The following TRIP11 variants were observed in gnomAD, a reference collection of about 807,000 sequenced individuals.
The protein encoded by TRIP11 is thyroid hormone receptor interactor 11.
In TRIP11, 148 loss-of-function variants were observed where a neutral mutation model predicts 223.1. That is an observed-to-expected ratio of 0.66 (90% CI 0.58 to 0.76). TRIP11 has a LOEUF of 0.76. Among genes scored for constraint, TRIP11 ranks in the 30% least tolerant of loss-of-function variants. The pLI, the probability that TRIP11 is intolerant of heterozygous loss-of-function variation, is 0.00. For missense variants in TRIP11, 2,043 were observed against 2,222.0 expected, an observed-to-expected ratio of 0.92 and a Z score of 1.62; for synonymous variants, 762 against 772.6, an observed-to-expected ratio of 0.99 and a Z score of 0.23.
chr14:92,005,262 T>C lies in TRIP11; in HGVS notation c.2714A>G (p.Lys905Arg), dbSNP rs750656386. Reference protein sequence around the residue: ...ASEVSQLNTIKEHLEEEIKHH... With the variant: ...ASEVSQLNTIREHLEEEIKHH... ...TTTAATTTCCTCTTCAAGATGTTCC[T>C]TGATCGTGTTCAGTTGAGATACCTC... The change falls in exon 11 of 21, where the codon AAG becomes AGG. Residue 905 changes from lysine (K) to arginine (R), a missense_variant. By Grantham distance (26) the Lys-to-Arg change is conservative. Coordinates refer to ENST00000267622, the MANE Select transcript of TRIP11 (RefSeq NM_004239.4). 10 of 1,614,166 alleles carry C rather than the reference T, an allele frequency of 6.2e-6. No individual in the cohort carries two copies. The South Asian group carries it at 9.9e-5, about 16-fold the overall frequency.
chr14:91,994,787 G>A (rs1185477120), intron 14 of TRIP11, among the ~76,000 whole-genome samples: 1 of 152,170 alleles, frequency 6.6e-6, no homozygotes, highest in Non-Finnish European at 1.5e-5. Flanking sequence ...ATGTGAAAAG[G>A]TATATTTGTT....
At position 92,003,567 on chromosome 14, in the gene TRIP11, T is replaced by C; in HGVS notation, c.4409A>G (p.Glu1470Gly). ...TTCTGTTTCCTTTCCCCTGTATGTT[T>C]CCACTATTTTTTCATTTTCTCCTTT... is the stretch of plus-strand genomic sequence containing the variant. The part of the protein sequence containing the change: ...KLKGENEKIV[E>G]TYRGKETEYQ... The change falls in exon 11 of 21, where the codon GAA (glutamate) becomes GGA (glycine). Residue 1470 changes from glutamate (E) to glycine (G), a missense_variant. By Grantham distance (98) the Glu-to-Gly change is moderately conservative. Transcript: ENST00000267622. 1.9e-6 allele frequency: 3 copies of C among 1,614,160 alleles called. No individual in the cohort carries two copies. Among genetic ancestry groups the C allele is most frequent in the Non-Finnish European group, 2.5e-6 (3 of 1,180,028 alleles).
intron 4 of TRIP11, 98 bp downstream of exon 4, chr14:92,021,458 G>T: frequency 8.4e-7 from 1 of 1,190,836 alleles, no homozygotes; most frequent in Non-Finnish European, 1.2e-6. Flanking sequence ...TCCTAGTCCA[G>T]GGTTCTTTCT....
At position 92,030,100 on chromosome 14, in the gene TRIP11, G is replaced by A. The variant is rs529744514; in HGVS notation, c.201+3092C>T. ...TAGTCCCAGCTACTTGGGAGGCTGA[G>A]GCAGGAGAATGGCGTGAACCCGGGA... On this transcript the variant is annotated intron_variant, in intron 2 of 20. Transcript: ENST00000267622. Among the ~76,000 whole-genome samples the A allele has an allele frequency of 4.6e-5, 7 of 150,800 alleles. No homozygotes were observed. In the South Asian group the frequency reaches 1.1e-3, roughly 23 times the overall value.
chr14:92,037,464 C>T lies in TRIP11; in HGVS notation c.139+2083G>A, dbSNP rs1196732346. Among the ~76,000 whole-genome samples the T allele has an allele frequency of 6.6e-6, 1 of 152,224 alleles. No homozygotes were observed. Among genetic ancestry groups the T allele is most frequent in the African/African-American group, 2.4e-5 (1 of 41,454 alleles). On this transcript the variant is annotated intron_variant, in intron 1 of 20. Coordinates refer to ENST00000267622, the MANE Select transcript of TRIP11 (RefSeq NM_004239.4). The surrounding 1 kb of genome is among the most constrained non-coding windows in gnomAD (Gnocchi z 4.2). The stretch of plus-strand genomic sequence containing the variant: ...AGGAAATAGAGAAGAAAGGGCTTTC[C>T]ATGTAGAGGCTTGAAGTTGTGTAAG...
At chr14:92,003,388 T>C (rs1446878085) in intron 11 of TRIP11, 31 bp downstream of exon 11, 4 of 1,610,580 alleles carry the variant, frequency 2.5e-6, no homozygotes, top group Non-Finnish European at 3.4e-6. Context: ...CACCCCCAAC[T>C]TCCTTCTACA....
At position 91,968,142 on chromosome 14, in the gene TRIP11, G is replaced by T. The variant is rs1595361411; in HGVS notation, c.*1531C>A. 1 of 201,144 alleles carries T rather than the reference G, an allele frequency of 5.0e-6. No homozygotes were observed. Among genetic ancestry groups the T allele is most frequent in the African/African-American group, 2.3e-5 (1 of 43,558 alleles). 12.5% of individuals were successfully genotyped at this position (201,144 alleles called of 1,614,324 possible). On this transcript the variant is annotated 3_prime_UTR_variant, in exon 21 of 21. Coordinates refer to ENST00000267622, the MANE Select transcript of TRIP11 (RefSeq NM_004239.4). ...TAAAACTTGCAAATAACCAAATTTA[G>T]TTCTGGCCTCAGCCAGGACTATTCA...
rs1444739244 is a variant in TRIP11 at position 92,021,647 on chromosome 14, T to C, written c.497A>G (p.Asp166Gly). ...AFHDDDMDFG[D>G]IISSQQEINR... ...TATTTCTTGTTGGGATGAAATTATA[T>C]CACCAAAGTCCATGTCATCGTCATG... Residue 166 changes from aspartate to glycine, a missense_variant, in exon 4 of 21, where the codon GAT (aspartate) becomes GGT (glycine). Asp to Gly is a moderately conservative substitution (Grantham distance 94). Coordinates refer to ENST00000267622, the MANE Select transcript of TRIP11 (RefSeq NM_004239.4). The C allele has an allele frequency of 3.1e-6, 5 of 1,614,046 alleles. No homozygotes were observed. Among genetic ancestry groups the C allele is most frequent in the African/African-American group, 1.3e-5 (1 of 74,930 alleles).
Position 91,988,391 on chromosome 14 carries a change from A to C in TRIP11, c.5161-8T>G. On this transcript the variant is annotated splice_region_variant and splice_polypyrimidine_tract_variant and intron_variant, in intron 15 of 20. Transcript: ENST00000267622. ...TGCTTCATCCAAACATTCCTGAGAA[A>C]GAAAACTTTATTAAAAAAAAGTATG... 2 of 1,612,312 alleles carry C rather than the reference A, an allele frequency of 1.2e-6. No homozygotes were observed. Among genetic ancestry groups the C allele is most frequent in the Non-Finnish European group, 1.7e-6 (2 of 1,178,634 alleles).
At position 91,978,880 on chromosome 14, in the gene TRIP11, C is replaced by A. The variant is rs573449086; in HGVS notation, c.5261-2691G>T. Among the ~76,000 whole-genome samples, 124 of 152,236 alleles carry A rather than the reference C, an allele frequency of 8.1e-4. No homozygotes were observed. Among genetic ancestry groups the A allele is most frequent in the African/African-American group, 2.9e-3 (120 of 41,530 alleles). ...GGCCACTAAAAAATTTAAAATTGCA[C>A]GTGGCTCACAGTATATTCCTACTGG... On this transcript the variant is annotated intron_variant, in intron 16 of 20. Transcript: ENST00000267622. The surrounding 1 kb of genome is among the most constrained non-coding windows in gnomAD (Gnocchi z 4.4).
chr14:91,972,900 T>G, intron 19 of TRIP11, 39 bp from the exon 20 acceptor site: 2 of 1,525,042 alleles, frequency 1.3e-6, no homozygotes, highest in Non-Finnish European at 1.8e-6. Context: ...GCTAGATAAT[T>G]AAGTTATATT....
intron 2 of TRIP11, among the ~76,000 whole-genome samples, chr14:92,032,233 C>T (rs188006428): frequency 1.6e-4 from 25 of 152,104 alleles, no homozygotes; most frequent in Admixed American, 1.3e-3. Context: ...GTGCAACCTC[C>T]GCCTCCCAGT....
intron 1 of TRIP11, among the ~76,000 whole-genome samples, chr14:92,039,073 C>T (rs771041597): frequency 1.1e-4 from 16 of 152,072 alleles, no homozygotes; most frequent in Non-Finnish European, 1.8e-4. Flanking sequence ...AAAACATGGC[C>T]GTGTTTCATA....
intron 1 of TRIP11, among the ~76,000 whole-genome samples, chr14:92,038,675 T>G (rs2140154953): frequency 6.6e-6 from 1 of 152,150 alleles, no homozygotes; most frequent in South Asian, 2.1e-4. Context: ...AATTTATTTA[T>G]AAGAAATACA....
In TRIP11 at chr14:91,975,235, C is replaced by T. The variant is rs1048504154; in HGVS notation, c.5394G>A (p.Gln1798=). ...CCATTAACCGTAACACTTCATGACG[C>T]TGATTTTTCGGTGTGTGGAAATGAC... ...FIGHFHTPKN[Q]RHEVLRLMGS... The change falls in exon 18 of 21, where the codon CAG becomes CAA. Residue 1798 remains glutamine (Q), a synonymous_variant. Transcript: ENST00000267622. 6.2e-7 allele frequency: 1 copy of T among 1,613,818 alleles called. No homozygotes were observed. The highest frequency in any genetic ancestry group is 8.5e-7 in the Non-Finnish European group (1 of 1,179,840).
At chr14:92,020,580 A>C (rs2057098356) in intron 4 of TRIP11, among the ~76,000 whole-genome samples, 1 of 151,996 alleles carries the variant, frequency 6.6e-6, no homozygotes, top group Admixed American at 6.6e-5. Flanking sequence ...TGGTGTTTAC[A>C]CCAGAGGAGT....
chr14:92,005,636 C>A lies in TRIP11; in HGVS notation c.2340G>T (p.Lys780Asn). 1 of 1,613,788 alleles carries A rather than the reference C, an allele frequency of 6.2e-7. No homozygotes were observed. The highest frequency in any genetic ancestry group is 8.5e-7 in the Non-Finnish European group (1 of 1,179,960). Residue 780 changes from lysine (K) to asparagine (N), a missense_variant, in exon 11 of 21, where the codon AAG (lysine) becomes AAT (asparagine). Lys to Asn is a moderately conservative substitution (Grantham distance 94). Coordinates refer to ENST00000267622, the MANE Select transcript of TRIP11 (RefSeq NM_004239.4). Reference protein sequence around the residue: ...KKDMEIAELKKNIEQMDTDHK... With the variant: ...KKDMEIAELKNNIEQMDTDHK... ...GGTCAGTATCCATTTGTTCAATATT[C>A]TTTTTGAGTTCTGCTATTTCCATGT... is the stretch of plus-strand genomic sequence containing the variant.
intron 4 of TRIP11, among the ~76,000 whole-genome samples, 185 bp from the exon 5 acceptor site, chr14:92,017,935 G>T (rs1430397619): frequency 1.3e-5 from 2 of 151,980 alleles, no homozygotes; most frequent in African/African-American, 2.4e-5. Context: ...ATAAATAAAA[G>T]ATATCATATT....
rs1032210972 is a variant in TRIP11, at chr14:91,978,053, G to A, written c.5261-1864C>T. ...CGAGAGAGGGAGAGAGAGAAGGGGAGAGAGAGGGCGAAAAGGTGGGGGTGG... is the reference window on the plus strand; with the variant it reads ...CGAGAGAGGGAGAGAGAGAAGGGGAAAGAGAGGGCGAAAAGGTGGGGGTGG... On this transcript the variant is annotated intron_variant, in intron 16 of 20. Transcript: ENST00000267622. The surrounding 1 kb of genome is among the most constrained non-coding windows in gnomAD (Gnocchi z 4.4). 1.3e-5 allele frequency among the ~76,000 whole-genome samples: 2 copies of A among 152,142 alleles called. No homozygotes were observed. The highest frequency in any genetic ancestry group is 4.8e-5 in the African/African-American group (2 of 41,426).
Sources: allele counts gnomAD v4.1 joint callset (sites outside exome capture counted in the v4.1 genomes callset), GRCh38; gene constraint gnomAD v4.1.1; non-coding constraint Gnocchi (gnomAD v3.1); transcripts MANE v1.5; gene names NCBI Gene and HGNC (gene_info 2026-07-23, HGNC 2026-07-21).